CCSER1: variants seen among roughly 807,000 people sequenced by gnomAD.
CCSER1 encodes serine-rich coiled-coil domain-containing protein 1.
A neutral mutation model predicts 82.0 loss-of-function variants in CCSER1; 41 were observed. That is an observed-to-expected ratio of 0.50 (90% CI 0.39 to 0.65). CCSER1 has a LOEUF of 0.65. CCSER1 is among the 30% of genes least tolerant of loss of function. The pLI is 0.00. For missense variants in CCSER1, 1,119 were observed against 1,064.2 expected (o/e 1.05, Z -0.72); for synonymous variants, 414 against 383.9 (o/e 1.08, Z -0.92).
chr4:91,104,834 G>A (rs1488922738), intron 10 of CCSER1, among the ~76,000 whole-genome samples: 1 of 152,108 alleles, frequency 6.6e-6, no homozygotes, highest in Admixed American at 6.5e-5. Context: ...CCCTTTGTGT[G>A]TCTAAATTTC....
At chr4:90,407,876 C>T (rs1204043441) in intron 4 of CCSER1, among the ~76,000 whole-genome samples, 1 of 152,148 alleles carries the variant, frequency 6.6e-6, no homozygotes, top group Non-Finnish European at 1.5e-5. Flanking sequence ...AGGGAATTCC[C>T]TTTCCTAGTC....
rs145532254 is a variant in CCSER1 at position 90,671,311 on chromosome 4, A to G, written c.1932+43079A>G. Among the ~76,000 whole-genome samples, 593 of 152,202 alleles carry G rather than the reference A, an allele frequency of 3.9e-3. 4 individuals carry two copies. Among genetic ancestry groups the G allele is most frequent in the African/African-American group, 0.014 (567 of 41,558 alleles). On this transcript the variant is annotated intron_variant, in intron 6 of 10. Transcript: ENST00000509176. Reference sequence around the variant, plus strand: ...TGTTTGGTAGCATTTTACCCAGAGTAGAACTTTGAAAATTAGAGTCCATCC... The same window carrying G: ...TGTTTGGTAGCATTTTACCCAGAGTGGAACTTTGAAAATTAGAGTCCATCC...
At chr4:91,181,718 CTCTG>C (rs1203475705) in intron 10 of CCSER1, among the ~76,000 whole-genome samples, 1 of 152,168 alleles carries the variant, frequency 6.6e-6, no homozygotes, top group Non-Finnish European at 1.5e-5. Flanking sequence ...TGTGCAGCAC[CTCTG>C]TCTGTTCTGC....
intron 10 of CCSER1, among the ~76,000 whole-genome samples, chr4:91,221,281 T>C (rs568799773): frequency 6.6e-6 from 1 of 152,308 alleles, no homozygotes; most frequent in African/African-American, 2.4e-5. Context: ...TTTGATTATG[T>C]GTAAGAAATA....
intron 1 of CCSER1, among the ~76,000 whole-genome samples, chr4:90,278,592 C>A (rs982665691): frequency 2.0e-5 from 3 of 151,756 alleles, no homozygotes; most frequent in African/African-American, 7.3e-5. Context: ...CCAAATACTT[C>A]ATGTTATTAC....
At chr4:90,860,298 ATGAGATACCAC>A (rs1287953528) in intron 8 of CCSER1, among the ~76,000 whole-genome samples, 1 of 151,680 alleles carries the variant, frequency 6.6e-6, no homozygotes, top group Non-Finnish European at 1.5e-5. Flanking sequence ...CCAAACCACA[ATGAGATACCAC>A]TTGACACCCA....
intron 4 of CCSER1, among the ~76,000 whole-genome samples, chr4:90,467,425 C>G (rs972521425): frequency 1.3e-5 from 2 of 151,236 alleles, no homozygotes; most frequent in African/African-American, 2.4e-5. Context: ...GTGGCTCATG[C>G]CTGTAATCCC....
At chr4:90,288,957 A>G (rs1730420510) in intron 1 of CCSER1, among the ~76,000 whole-genome samples, 1 of 151,910 alleles carries the variant, frequency 6.6e-6, no homozygotes, top group South Asian at 2.1e-4. Context: ...CTTCCTAAAT[A>G]AATATTGGAA....
chr4:91,129,336 C>T (rs528062519), intron 10 of CCSER1, among the ~76,000 whole-genome samples: 1 of 152,050 alleles, frequency 6.6e-6, no homozygotes, highest in Admixed American at 6.6e-5. Context: ...TTCCTAGAAT[C>T]CCCCCAACAT....
At chr4:91,186,174 T>A (rs756343056) in intron 10 of CCSER1, among the ~76,000 whole-genome samples, 1 of 152,100 alleles carries the variant, frequency 6.6e-6, no homozygotes, top group Non-Finnish European at 1.5e-5. Flanking sequence ...ATCTGGAGGG[T>A]CTTTTTCTTC....
chr4:90,473,882 C>T (rs1325287387), intron 5 of CCSER1, among the ~76,000 whole-genome samples: 1 of 152,090 alleles, frequency 6.6e-6, no homozygotes, highest in African/African-American at 2.4e-5. Flanking sequence ...GTTAATTTAT[C>T]AAAAATAGGT....
At chr4:90,812,385 A>G (rs570823694) in intron 7 of CCSER1, among the ~76,000 whole-genome samples, 2 of 152,286 alleles carry the variant, frequency 1.3e-5, no homozygotes, top group African/African-American at 4.8e-5. Context: ...AGTATTAACC[A>G]TCACACCAGC....
At chr4:91,094,348 T>C (rs1724283095) in intron 10 of CCSER1, among the ~76,000 whole-genome samples, 1 of 152,174 alleles carries the variant, frequency 6.6e-6, no homozygotes, top group African/African-American at 2.4e-5. Context: ...CAGGAGCTAG[T>C]CTGATGCTAA....
At position 90,822,694 on chromosome 4, in the gene CCSER1, CTCCA is replaced by C. The variant is rs1371185883; in HGVS notation, c.2094+6850_2094+6853del. ...AGTGAGCTGATAACGTGCCATTGCA[CTCCA>C]GCCTGGGGGACAGAGTGAGACTCCA... On this transcript the variant is annotated intron_variant, in intron 8 of 10. Transcript: ENST00000509176. Among the ~76,000 whole-genome samples the C allele has an allele frequency of 2.1e-5, 3 of 139,858 alleles. No homozygotes were observed. In the East Asian group the frequency reaches 6.5e-4, roughly 30 times the overall value. 91.8% of individuals were successfully genotyped at this position (139,858 alleles called of 152,430 possible).
At chr4:91,108,683 C>G (rs1163867926) in intron 10 of CCSER1, among the ~76,000 whole-genome samples, 1 of 152,188 alleles carries the variant, frequency 6.6e-6, no homozygotes, top group African/African-American at 2.4e-5. Flanking sequence ...TCTTTTTTAT[C>G]AAAAATAGAC....
chr4:90,624,622 A>G (rs1385127741), intron 5 of CCSER1, among the ~76,000 whole-genome samples: 2 of 152,154 alleles, frequency 1.3e-5, no homozygotes, highest in East Asian at 1.9e-4. Flanking sequence ...TCGTAGTTTA[A>G]CTTAAATGTG....
intron 10 of CCSER1, among the ~76,000 whole-genome samples, chr4:91,158,204 G>A (rs1051969610): frequency 6.6e-6 from 1 of 151,978 alleles, no homozygotes; most frequent in African/African-American, 2.4e-5. Context: ...ATATCTCTCA[G>A]TTAGTATTAA....
At chr4:91,312,632 G>A (rs895555409) in intron 10 of CCSER1, among the ~76,000 whole-genome samples, 1 of 151,798 alleles carries the variant, frequency 6.6e-6, no homozygotes, top group African/African-American at 2.4e-5. Flanking sequence ...CTTTAAACTT[G>A]GATTCCATAC....
chr4:90,415,749 C>A (rs895570073), intron 4 of CCSER1, among the ~76,000 whole-genome samples: 4 of 152,166 alleles, frequency 2.6e-5, no homozygotes, highest in African/African-American at 2.4e-5. Flanking sequence ...ATTTCGGCTA[C>A]TCATAGGATT....
Sources: allele counts gnomAD v4.1 joint callset (sites outside exome capture counted in the v4.1 genomes callset), GRCh38; gene constraint gnomAD v4.1.1; transcripts MANE v1.5; gene names NCBI Gene and HGNC (gene_info 2026-07-23, HGNC 2026-07-21).